PRKACB: variants seen among roughly 807,000 people sequenced by gnomAD.
PRKACB encodes the protein cAMP-dependent protein kinase catalytic subunit beta.
PRKACB carries 16 observed loss-of-function variants against 51.4 expected under a neutral mutation model. That is an observed-to-expected ratio of 0.31 (90% CI 0.21 to 0.47). The LOEUF (loss-of-function observed/expected upper bound fraction) is 0.47. PRKACB is among the 20% of genes least tolerant of loss of function. The pLI is 1.00. For synonymous variants in PRKACB, 147 were observed against 154.4 expected (o/e 0.95, Z 0.35); for missense variants, 309 against 464.5 (o/e 0.67, Z 3.08).
chr1:84,091,799 C>T (rs982861553), intron 1 of PRKACB, among the ~76,000 whole-genome samples: 1 of 152,176 alleles, frequency 6.6e-6, no homozygotes, highest in African/African-American at 2.4e-5. Context: ...GCCACCACAA[C>T]CTTCTTGTTC....
Position 84,185,171 on chromosome 1 carries a change from T to C in PRKACB, c.549T>C (p.Ile183=), listed in dbSNP as rs1180771690. 2 of 1,512,074 alleles carry C rather than the reference T, an allele frequency of 1.3e-6. No individual in the cohort carries two copies. Among genetic ancestry groups the C allele is most frequent in the Non-Finnish European group, 1.8e-6 (2 of 1,133,980 alleles). The allele number at this position is 1,512,074 out of a possible 1,614,324, so 93.7% of individuals were successfully genotyped here. A position where few individuals can be genotyped will look rare whatever the true frequency, so the allele number is the denominator to read the frequency against. The change falls in exon 5 of 10, where the codon ATT becomes ATC. Residue 183 remains isoleucine (I), a synonymous_variant. Coordinates refer to ENST00000370685, the MANE Select transcript of PRKACB (RefSeq NM_182948.4). ...AAATGTTTTCACATCTAAGAAGAATTGGAAGGTTCAGGTAACTAATGGTTT... is the reference window on the plus strand; with the variant it reads ...AAATGTTTTCACATCTAAGAAGAATCGGAAGGTTCAGGTAACTAATGGTTT... ...GGEMFSHLRR[I]GRFSEPHARF...
intron 1 of PRKACB, among the ~76,000 whole-genome samples, chr1:84,110,750 T>G (rs114151301): frequency 0.011 from 1,747 of 152,150 alleles, 42 homozygotes; most frequent in African/African-American, 0.04. Context: ...ACAACATATA[T>G]CTCTTCTGTG....
chr1:84,210,427 T>C (rs1275147694), intron 8 of PRKACB, among the ~76,000 whole-genome samples: 1 of 152,182 alleles, frequency 6.6e-6, no homozygotes, highest in Non-Finnish European at 1.5e-5. Flanking sequence ...TCTGACTCTT[T>C]ACATTTACTT....
At chr1:84,093,269 A>ATCTCTC (rs375522844) in intron 1 of PRKACB, among the ~76,000 whole-genome samples, 2 of 146,230 alleles carry the variant, frequency 1.4e-5, no homozygotes, top group Non-Finnish European at 3.0e-5. Flanking sequence ...AAGTGTGTGC[A>ATCTCTC]TCTCTCTCTC....
In PRKACB at chr1:84,202,170, TC is replaced by T. The variant is rs1390307360; in HGVS notation, c.784-510del. On this transcript the variant is annotated intron_variant, in intron 7 of 9. Coordinates refer to ENST00000370685, the MANE Select transcript of PRKACB (RefSeq NM_182948.4). ...AAATCCTATGAAGCAGATGGGATTA[TC>T]CCTAGCACATTCACCCTCCTAACTC... Among the ~76,000 whole-genome samples, 3 of 152,110 alleles carry T rather than the reference TC, an allele frequency of 2.0e-5. No homozygotes were observed. In the East Asian group the frequency reaches 5.8e-4, roughly 29 times the overall value.
chr1:84,147,627 T>G (rs2100618167), intron 1 of PRKACB, among the ~76,000 whole-genome samples: 1 of 152,060 alleles, frequency 6.6e-6, no homozygotes. Context: ...AATGAAATAG[T>G]TGCTTTAAAA....
chr1:84,149,365 TC>T (rs1173546678), intron 1 of PRKACB, among the ~76,000 whole-genome samples: 7 of 152,198 alleles, frequency 4.6e-5, no homozygotes, highest in African/African-American at 1.7e-4. Context: ...GCTCAAGCGA[TC>T]CTCCCATCTC....
intron 8 of PRKACB, among the ~76,000 whole-genome samples, chr1:84,208,447 A>G (rs1363632462): frequency 1.3e-5 from 2 of 152,232 alleles, no homozygotes; most frequent in Admixed American, 1.3e-4. Context: ...ACAAATTTAT[A>G]GTAAGACATT....
intron 1 of PRKACB, among the ~76,000 whole-genome samples, chr1:84,082,835 A>G (rs892800090): frequency 1.3e-5 from 2 of 152,208 alleles, no homozygotes; most frequent in Non-Finnish European, 2.9e-5. Context: ...TTTTGCATTT[A>G]ATAGAAATGC....
At chr1:84,211,050 G>A (rs1293110537) in intron 8 of PRKACB, among the ~76,000 whole-genome samples, 1 of 151,908 alleles carries the variant, frequency 6.6e-6, no homozygotes, top group Non-Finnish European at 1.5e-5. Context: ...ATGGAGGTGA[G>A]GAGGATATGT....
chr1:84,194,633 G>A (rs534486297), intron 5 of PRKACB, among the ~76,000 whole-genome samples: 25 of 152,168 alleles, frequency 1.6e-4, no homozygotes, highest in African/African-American at 3.4e-4. Context: ...TCAAGAATTC[G>A]ATTATAGGTT....
At position 84,123,536 on chromosome 1, in the gene PRKACB, T is replaced by TA. The variant is rs199588298; in HGVS notation, c.46+45173dup. ...GACACTTCTATATATTGCCATTTAT[T>TA]AAAAAAAAGAATTTGGGAAGGCTTA... On this transcript the variant is annotated intron_variant, in intron 1 of 8. Transcript: ENST00000370688. Among the ~76,000 whole-genome samples, 6 of 152,058 alleles carry TA rather than the reference T, an allele frequency of 3.9e-5. No homozygotes were observed. The South Asian group carries it at 8.3e-4, about 21-fold the overall frequency.
At chr1:84,165,625 A>C (rs190274039) in intron 1 of PRKACB, among the ~76,000 whole-genome samples, 7 of 151,806 alleles carry the variant, frequency 4.6e-5, no homozygotes, top group African/African-American at 1.4e-4. Context: ...ACTTGTGACA[A>C]CTAGTCTTTT....
chr1:84,079,910 CCCACCT>C (rs1342437067), intron 1 of PRKACB, among the ~76,000 whole-genome samples: 3 of 152,184 alleles, frequency 2.0e-5, no homozygotes, highest in Non-Finnish European at 2.9e-5. Flanking sequence ...AGGTAATCCA[CCCACCT>C]CGGCCTCCCA....
chr1:84,107,796 A>G (rs1397620093), intron 1 of PRKACB, among the ~76,000 whole-genome samples: 1 of 152,100 alleles, frequency 6.6e-6, no homozygotes, highest in Non-Finnish European at 1.5e-5. Context: ...ACCATCTCAC[A>G]CCAGTCAGAA....
At chr1:84,234,220 C>T (rs919989811) in intron 9 of PRKACB, among the ~76,000 whole-genome samples, 4 of 152,214 alleles carry the variant, frequency 2.6e-5, no homozygotes, top group African/African-American at 7.2e-5. Flanking sequence ...CCCAGTTAGG[C>T]TGCTCAGGGG....
chr1:84,234,728 C>A lies in PRKACB; in HGVS notation c.1072-452C>A, dbSNP rs1034604532. Among the ~76,000 whole-genome samples, 4 of 152,252 alleles carry A rather than the reference C, an allele frequency of 2.6e-5. No individual in the cohort carries two copies. In the East Asian group the frequency reaches 5.8e-4, roughly 22 times the overall value. On this transcript the variant is annotated intron_variant, in intron 9 of 9. Transcript: ENST00000370685. Reference sequence around the variant, plus strand: ...TTGACTAGGAAAGGGAACTCCCTGACCCCTTGCGCTTCCTGAGTGAGGCAA... The same window carrying A: ...TTGACTAGGAAAGGGAACTCCCTGAACCCTTGCGCTTCCTGAGTGAGGCAA...
chr1:84,105,491 AAAG>A (rs1189891878), intron 1 of PRKACB, among the ~76,000 whole-genome samples: 1 of 152,322 alleles, frequency 6.6e-6, no homozygotes, highest in South Asian at 2.1e-4. Flanking sequence ...GAAAAAAAGA[AAAG>A]AAGAAAAATC....
intron 9 of PRKACB, among the ~76,000 whole-genome samples, chr1:84,221,523 G>A (rs988752508): frequency 1.3e-5 from 2 of 151,666 alleles, no homozygotes; most frequent in South Asian, 2.1e-4. Flanking sequence ...CTTGAGGTAC[G>A]TTATTAGGTT....
Sources: allele counts gnomAD v4.1 joint callset (sites outside exome capture counted in the v4.1 genomes callset), GRCh38; gene constraint gnomAD v4.1.1; transcripts MANE v1.5; gene names NCBI Gene and HGNC (gene_info 2026-07-23, HGNC 2026-07-21).